The following TP73 variants were observed in gnomAD, a reference collection of about 807,000 sequenced individuals.
TP73 encodes p53-like transcription factor.
TP73 carries 25 observed loss-of-function variants against 62.5 expected under a neutral mutation model. The observed-to-expected ratio is 0.40, with a 90% CI of 0.29 to 0.56. TP73 has a LOEUF of 0.56. Ranked by LOEUF, TP73 falls within the 20% of genes least tolerant of loss-of-function variation. TP73 has a pLI of 0.46. For missense variants in TP73, 754 were observed against 913.3 expected, an observed-to-expected ratio of 0.83 and a Z score of 2.25; for synonymous variants, 423 against 377.5, an observed-to-expected ratio of 1.12 and a Z score of -1.40.
At chr1:3,714,573 C>T (rs1418199916) in intron 4 of TP73, among the ~76,000 whole-genome samples, 2 of 152,266 alleles carry the variant, frequency 1.3e-5, no homozygotes, top group Non-Finnish European at 2.9e-5. Context: ...GCTCCAGGGC[C>T]TGGCCCACAG....
In TP73 at chr1:3,654,297, C is replaced by T. The variant is rs560914174; in HGVS notation, c.-34+1656C>T. ...GACCTGAGCGGGGCTTGTCTATGCG[C>T]GGCGGCCACCAGAGAATGGCTCGGG... On this transcript the variant is annotated intron_variant, in intron 1 of 13. Transcript: ENST00000378295. Among the ~76,000 whole-genome samples the T allele has an allele frequency of 7.2e-5, 11 of 152,096 alleles. No individual in the cohort carries two copies. The South Asian group carries it at 1.5e-3, about 20-fold the overall frequency.
At chr1:3,682,583 G>A (rs946196092) in intron 2 of TP73, among the ~76,000 whole-genome samples, 153 bp downstream of exon 2, 3 of 152,168 alleles carry the variant, frequency 2.0e-5, no homozygotes, top group African/African-American at 7.2e-5. Flanking sequence ...TGAGACTTTG[G>A]GCTAAACTTG....
intron 4 of TP73, chr1:3,712,166 A>C (rs560571660): frequency 6.6e-6 from 1 of 152,252 alleles, no homozygotes; most frequent in Non-Finnish European, 1.5e-5. Flanking sequence ...TTTTACTGGC[A>C]CCAGAAGCAA....
intron 1 of TP73, among the ~76,000 whole-genome samples, chr1:3,668,989 C>T (rs951969089): frequency 2.6e-5 from 4 of 152,344 alleles, no homozygotes; most frequent in South Asian, 2.1e-4. Context: ...GGCCATGCTC[C>T]GCCCCCAGCT....
At chr1:3,690,940 C>T (rs1378487124) in intron 3 of TP73, 7 of 1,579,326 alleles carry the variant, frequency 4.4e-6, no homozygotes, top group Non-Finnish European at 6.0e-6. Flanking sequence ...CGGCACCTCG[C>T]CACGGTAGGT....
At position 3,701,898 on chromosome 1, in the gene TP73, G is replaced by A. The variant is rs1339615992; in HGVS notation, c.187-5651G>A. On this transcript the variant is annotated intron_variant, in intron 3 of 13. Transcript: ENST00000378295. The surrounding 1 kb of genome is among the most constrained non-coding windows in gnomAD (Gnocchi z 4.7). ...TGGGCCAGGTTACACAGGTGGAGCT[G>A]AGACTTGGCCCCAGGACTCCTGACC... is the stretch of plus-strand genomic sequence containing the variant. Among the ~76,000 whole-genome samples, 2 of 152,222 alleles carry A rather than the reference G, an allele frequency of 1.3e-5. No individual in the cohort carries two copies. Among genetic ancestry groups the A allele is most frequent in the Non-Finnish European group, 2.9e-5 (2 of 68,052 alleles).
At chr1:3,713,299 G>A (rs1047374655) in intron 4 of TP73, among the ~76,000 whole-genome samples, 2 of 152,154 alleles carry the variant, frequency 1.3e-5, no homozygotes, top group Non-Finnish European at 2.9e-5. Flanking sequence ...CTTGGGGACC[G>A]GCCTCTCCTG....
At chr1:3,723,927 G>C (rs116253066) in intron 6 of TP73, among the ~76,000 whole-genome samples, 2 of 152,166 alleles carry the variant, frequency 1.3e-5, no homozygotes, top group Non-Finnish European at 2.9e-5. Flanking sequence ...AGGGATGGTG[G>C]AAAGACTCCT....
chr1:3,682,844 A>T (rs75902087), intron 2 of TP73, among the ~76,000 whole-genome samples: 1 of 152,182 alleles, frequency 6.6e-6, no homozygotes, highest in Non-Finnish European at 1.5e-5. Flanking sequence ...AGAGGCCCAG[A>T]ATAACAGAGC....
chr1:3,725,624 G>T (rs2124498636), intron 6 of TP73, among the ~76,000 whole-genome samples: 1 of 141,520 alleles, frequency 7.1e-6, no homozygotes, highest in African/African-American at 2.6e-5. Flanking sequence ...ATGTTGAATG[G>T]ATGGGTGGGT....
chr1:3,730,563 C>T (rs1167035501), intron 11 of TP73, among the ~76,000 whole-genome samples: 1 of 152,160 alleles, frequency 6.6e-6, no homozygotes, highest in Non-Finnish European at 1.5e-5. Context: ...TTTGGGCCCC[C>T]TTCCCCTGGA....
At chr1:3,724,782 G>A (rs1348196185) in intron 6 of TP73, among the ~76,000 whole-genome samples, 1 of 152,250 alleles carries the variant, frequency 6.6e-6, no homozygotes, top group Non-Finnish European at 1.5e-5. Flanking sequence ...ACTTTGGGAG[G>A]CCAAGGCGGG....
chr1:3,732,690 CCCCCCTGCTCTCCCTGCTCCACTG>C (rs1642225230), intron 13 of TP73, 33 bp from the exon 14 acceptor site: 2 of 1,476,410 alleles, frequency 1.4e-6, no homozygotes, highest in Non-Finnish European at 1.8e-6. Flanking sequence ...CCAGGGCGAC[CCCCCCTGCTCTCCCTGCTCCACTG>C]CCCCCTGCCC....
intron 1 of TP73, among the ~76,000 whole-genome samples, chr1:3,655,303 C>T (rs1183162359): frequency 1.3e-5 from 2 of 152,162 alleles, no homozygotes; most frequent in African/African-American, 4.8e-5. Context: ...AGGAGAATCG[C>T]TTGAACTTGG....
At chr1:3,690,611 T>C (rs776026937) in intron 3 of TP73, 78 of 1,291,130 alleles carry the variant, frequency 6.0e-5, no homozygotes, top group Non-Finnish European at 7.6e-5. Context: ...AGCTGAGGCC[T>C]GCCCCGGACT....
At chr1:3,681,449 G>T (rs1008051389) in intron 1 of TP73, among the ~76,000 whole-genome samples, 8 of 152,168 alleles carry the variant, frequency 5.3e-5, no homozygotes, top group Non-Finnish European at 1.2e-4. Context: ...TGGGAGCTGG[G>T]CCCAGGGGTT....
intron 11 of TP73, 150 bp downstream of exon 11, chr1:3,730,298 G>C (rs1233185204): frequency 9.9e-7 from 1 of 1,011,888 alleles, no homozygotes; most frequent in East Asian, 2.8e-5. Flanking sequence ...GGCAGGAGGC[G>C]CAGCCACGGA....
At chr1:3,679,541 CTCTT>C (rs1645461389) in intron 1 of TP73, among the ~76,000 whole-genome samples, 1 of 151,452 alleles carries the variant, frequency 6.6e-6, no homozygotes, top group African/African-American at 2.4e-5. Context: ...CTCTCTGTCT[CTCTT>C]TGTCCTTGTC....
At chr1:3,691,355 T>C (rs1645823626) in intron 3 of TP73, among the ~76,000 whole-genome samples, 1 of 152,106 alleles carries the variant, frequency 6.6e-6, no homozygotes, top group Admixed American at 6.5e-5. Context: ...CTAGAAGTCA[T>C]CTTTGCTCCT....
Sources: allele counts gnomAD v4.1 joint callset (sites outside exome capture counted in the v4.1 genomes callset), GRCh38; gene constraint gnomAD v4.1.1; non-coding constraint Gnocchi (gnomAD v3.1); transcripts MANE v1.5; gene names NCBI Gene and HGNC (gene_info 2026-07-23, HGNC 2026-07-21).